The following TRIM39 variants were observed in gnomAD, a reference collection of about 807,000 sequenced individuals.
The protein encoded by TRIM39 is tripartite motif containing 39, also known as E3 ubiquitin-protein ligase TRIM39.
TRIM39 carries 5 observed loss-of-function variants against 53.6 expected under a neutral mutation model. The ratio of observed to expected loss-of-function variants is 0.09; its 90% CI spans 0.05 to 0.20. The LOEUF is 0.20. TRIM39 is among the 10% of genes least tolerant of loss of function. The pLI is 1.00. For synonymous variants in TRIM39, 196 were observed against 237.6 expected (o/e 0.82, Z 1.61); for missense variants, 310 against 621.0 (o/e 0.50, Z 5.32).
Position 30,335,026 on chromosome 6 carries a change from A to G in TRIM39, c.550-719A>G, listed in dbSNP as rs979469185. On this transcript the variant is annotated intron_variant, in intron 4 of 7. Coordinates refer to ENST00000396551, the Ensembl canonical transcript of TRIM39. The surrounding 1 kb of genome is among the most constrained non-coding windows in gnomAD (Gnocchi z 4.7). ...GCATGAGCCACCATGCTGAGCCTAT[A>G]CTTTCCTTTTCTCGACAGATTGAAT... Among the ~76,000 whole-genome samples the G allele has an allele frequency of 1.3e-5, 2 of 152,168 alleles. No homozygotes were observed. Among genetic ancestry groups the G allele is most frequent in the African/African-American group, 4.8e-5 (2 of 41,432 alleles).
chr6:30,337,048 CAGTG>C (rs1354130079), intron 5 of TRIM39, among the ~76,000 whole-genome samples: 1 of 152,172 alleles, frequency 6.6e-6, no homozygotes, highest in Non-Finnish European at 1.5e-5. Flanking sequence ...AGTGCATTGT[CAGTG>C]AGCAGTAATA....
At chr6:30,331,289 C>A (rs9261658) in intron 4 of TRIM39, among the ~76,000 whole-genome samples, 93,299 of 133,100 alleles carry the variant, frequency 0.7, 29,205 homozygotes, top group African/African-American at 0.71. Context: ...AAAAAACAAA[C>A]AAAAAAAAAA....
At chr6:30,329,891 A>T in intron 3 of TRIM39, 121 bp downstream of exon 3, 1 of 1,352,954 alleles carries the variant, frequency 7.4e-7, no homozygotes, top group Admixed American at 2.7e-5. Flanking sequence ...AGAGCTGCAT[A>T]TGCAGGGGCA....
chr6:30,337,554 A>AT (rs1787017625), intron 5 of TRIM39, among the ~76,000 whole-genome samples: 2 of 152,076 alleles, frequency 1.3e-5, no homozygotes, highest in South Asian at 2.1e-4. Flanking sequence ...ACAAAAGGTA[A>AT]TTTTTTTTAA....
intron 4 of TRIM39, among the ~76,000 whole-genome samples, chr6:30,331,503 C>T (rs1425704663): frequency 6.6e-6 from 1 of 152,132 alleles, no homozygotes; most frequent in Admixed American, 6.5e-5. Context: ...AGGAGGCTTT[C>T]TGCTGAGAAG....
In TRIM39 at chr6:30,342,465, C is replaced by T; in HGVS notation, c.*206C>T. The stretch of plus-strand genomic sequence containing the variant: ...GAGCACAGCTGTGACTTCCTCCTAA[C>T]TGTCAGGGTGGGGAGCTGGTTCCCA... On this transcript the variant is annotated 3_prime_UTR_variant, in exon 8 of 8. Transcript: ENST00000396551. The surrounding 1 kb of genome is among the most constrained non-coding windows in gnomAD (Gnocchi z 4.7). 1 of 611,076 alleles carries T rather than the reference C, an allele frequency of 1.6e-6. No individual in the cohort carries two copies. The highest frequency in any genetic ancestry group is 3.0e-5 in the Admixed American group (1 of 33,732). 37.9% of individuals were successfully genotyped at this position (611,076 alleles called of 1,614,324 possible).
intron 4 of TRIM39, among the ~76,000 whole-genome samples, chr6:30,332,413 G>C (rs527711807): frequency 6.6e-6 from 1 of 152,362 alleles, no homozygotes; most frequent in African/African-American, 2.4e-5. Flanking sequence ...GAGTTTTTAA[G>C]AGTTGACATG....
rs1787642882 is a variant in TRIM39 at position 30,342,353 on chromosome 6, G to C, written c.*94G>C. 7.4e-7 allele frequency: 1 copy of C among 1,346,532 alleles called. No individual in the cohort carries two copies. Among genetic ancestry groups the C allele is most frequent in the African/African-American group, 1.5e-5 (1 of 68,912 alleles). The allele number at this position is 1,346,532 out of a possible 1,614,324, so 83.4% of individuals were successfully genotyped here. A position where few individuals can be genotyped will look rare whatever the true frequency, so the allele number is the denominator to read the frequency against. On this transcript the variant is annotated 3_prime_UTR_variant, in exon 8 of 8. Coordinates refer to ENST00000396551, the Ensembl canonical transcript of TRIM39. This position sits in a 1 kb window ranked among gnomAD's most constrained non-coding sequence, Gnocchi z 4.7. ...GCTGGAACGTCTTCGTGTCCACCTG[G>C]GTCCAGTCCTGAATCATCTTGGAGA... is the stretch of plus-strand genomic sequence containing the variant.
intron 1 of TRIM39, among the ~76,000 whole-genome samples, chr6:30,328,403 C>T (rs1159343357): frequency 2.0e-5 from 3 of 152,212 alleles, no homozygotes; most frequent in Non-Finnish European, 2.9e-5. Context: ...CGTGAAATGT[C>T]ATTCCAAGAA....
chr6:30,330,232 G>C (rs1449798139), intron 3 of TRIM39, among the ~76,000 whole-genome samples: 2 of 152,152 alleles, frequency 1.3e-5, no homozygotes, highest in African/African-American at 4.8e-5. Flanking sequence ...TAGGTAATGG[G>C]TAACATGGCA....
At position 30,336,126 on chromosome 6, in the gene TRIM39, G is replaced by A. The variant is rs770780841; in HGVS notation, c.780+151G>A. 2.5e-5 allele frequency: 31 copies of A among 1,224,920 alleles called. No individual in the cohort carries two copies. In the Middle Eastern group the frequency reaches 5.5e-4, roughly 22 times the overall value. The allele number at this position is 1,224,920 out of a possible 1,614,324, so 75.9% of individuals were successfully genotyped here. A position where few individuals can be genotyped will look rare whatever the true frequency, so the allele number is the denominator to read the frequency against. Reference sequence around the variant, plus strand: ...GGTGTACTCAAAGGGTCTTTGCTACGGAAAAGTGATTTCTCCCATCCCCTT... The same window carrying A: ...GGTGTACTCAAAGGGTCTTTGCTACAGAAAAGTGATTTCTCCCATCCCCTT... On this transcript the variant is annotated intron_variant, in intron 5 of 7. Transcript: ENST00000396551.
At chr6:30,341,487 A>ACT in intron 7 of TRIM39, 1 of 762,104 alleles carries the variant, frequency 1.3e-6, no homozygotes, top group Non-Finnish European at 2.3e-6. Context: ...GCCACTGCAG[A>ACT]CTCAAGAGAT....
intron 1 of TRIM39, among the ~76,000 whole-genome samples, chr6:30,328,468 A>G (rs1362295183): frequency 6.6e-6 from 1 of 152,222 alleles, no homozygotes; most frequent in Non-Finnish European, 1.5e-5. Context: ...ATAATTTCAG[A>G]TTTTCCTGAA....
chr6:30,340,704 T>C, intron 7 of TRIM39, 84 bp downstream of exon 7: 1 of 1,399,030 alleles, frequency 7.1e-7, no homozygotes, highest in Non-Finnish European at 9.7e-7. Flanking sequence ...GTTTCAGTTA[T>C]CCTATGTCTC....
chr6:30,335,586 G>T lies in TRIM39; in HGVS notation c.550-159G>T, dbSNP rs1242771796. ...AATCCACCTCCCTCGGCCTCCCAAA[G>T]TCCTGGGATTACAGTCATGTGTCAC... On this transcript the variant is annotated intron_variant, in intron 4 of 7. Transcript: ENST00000396551. This position sits in a 1 kb window ranked among gnomAD's most constrained non-coding sequence, Gnocchi z 4.7. Among the ~76,000 whole-genome samples the T allele has an allele frequency of 1.3e-5, 2 of 151,978 alleles. No individual in the cohort carries two copies. The highest frequency in any genetic ancestry group is 2.4e-5 in the African/African-American group (1 of 41,290).
At chr6:30,337,671 G>A (rs75361283) in intron 5 of TRIM39, among the ~76,000 whole-genome samples, 5,566 of 152,222 alleles carry the variant, frequency 0.037, 160 homozygotes, top group African/African-American at 0.078. Flanking sequence ...ATTCTTAAGA[G>A]CCCTAGGATT....
exon 8 of TRIM39, chr6:30,343,072 C>T (rs1208867987): frequency 6.5e-6 from 1 of 152,678 alleles, no homozygotes; most frequent in Non-Finnish European, 1.5e-5. Flanking sequence ...TCCTGCAAGA[C>T]ACATCTATCC....
Position 30,342,184 on chromosome 6 carries a change from C to T in TRIM39, c.1392C>T (p.Leu464=), listed in dbSNP as rs1787624814. ...CTTTTACTGAGAAACTTTGGCCCCT[C>T]TTCTACCCAGGCATCCGGGCTGGAC... The change falls in exon 8 of 8, where the codon CTC becomes CTT. Residue 464 remains leucine (L), a synonymous_variant. Transcript: ENST00000396551. This position sits in a 1 kb window ranked among gnomAD's most constrained non-coding sequence, Gnocchi z 4.7. 1 of 1,613,088 alleles carries T rather than the reference C, an allele frequency of 6.2e-7. No individual in the cohort carries two copies. The highest frequency in any genetic ancestry group is 8.5e-7 in the Non-Finnish European group (1 of 1,180,044).
At position 30,341,335 on chromosome 6, in the gene TRIM39, T is replaced by G. The variant is rs118050039; in HGVS notation, c.920-377T>G. On this transcript the variant is annotated intron_variant, in intron 7 of 7. Transcript: ENST00000396551. ...ATGGTCACCCTATCCCTAGACCATA[T>G]GCTGTCTTGCTCGGCATCCTTCTTA... is the stretch of plus-strand genomic sequence containing the variant. 7.9e-3 allele frequency: 4,286 copies of G among 545,864 alleles called. 120 individuals are homozygous for G. Among genetic ancestry groups the G allele is most frequent in the East Asian group, 0.055 (1,133 of 20,524 alleles). The allele number at this position is 545,864 out of a possible 1,614,324, so 33.8% of individuals were successfully genotyped here.
Sources: gnomAD v4.1 joint callset for allele counts (sites outside exome capture counted in the v4.1 genomes callset) on GRCh38, gnomAD v4.1.1 for gene constraint, Gnocchi (gnomAD v3.1) non-coding constraint, MANE v1.5 for transcripts, NCBI Gene and HGNC (gene_info 2026-07-23, HGNC 2026-07-21) for gene names.